Variants in ADGRV1 observed in about 807,000 individuals in gnomAD.
The protein encoded by ADGRV1 is adhesion G protein-coupled receptor V1, also known as G-protein coupled receptor 98.
A neutral mutation model predicts 596.2 loss-of-function variants in ADGRV1; 359 were observed. The observed-to-expected ratio is 0.60, with a 90% CI of 0.55 to 0.66. The LOEUF is 0.66. Among genes scored for constraint, ADGRV1 ranks in the 30% least tolerant of loss-of-function variants. The pLI is 0.00. For synonymous variants in ADGRV1, 2,681 were observed against 2,679.2 expected, an observed-to-expected ratio of 1.00 and a Z score of -0.02; for missense variants, 7,274 against 7,575.6, an observed-to-expected ratio of 0.96 and a Z score of 1.48.
chr5:90,628,231 A>C (rs892268556), intron 7 of ADGRV1, among the ~76,000 whole-genome samples: 1 of 142,286 alleles, frequency 7.0e-6, no homozygotes, highest in Admixed American at 6.8e-5. Flanking sequence ...AAAATAAAAT[A>C]AAATAAAATA....
chr5:90,645,872 A>C lies in ADGRV1; in HGVS notation c.2899-96A>C, dbSNP rs1021121816. The C allele has an allele frequency of 1.4e-5, 13 of 949,948 alleles. 1 individual carries two copies. In the African/African-American group the frequency reaches 1.7e-4, roughly 12 times the overall value. The allele number at this position is 949,948 out of a possible 1,614,324, so 58.8% of individuals were successfully genotyped here. On this transcript the variant is annotated intron_variant, in intron 15 of 89. Transcript: ENST00000405460. ...AAGGAAATGAATAATGGTAGTGTTA[A>C]TGGTGCTTTTTTAAAAAAACTGAAT...
intron 83 of ADGRV1, among the ~76,000 whole-genome samples, chr5:90,907,343 T>C (rs1005622114): frequency 3.9e-5 from 6 of 152,212 alleles, no homozygotes; most frequent in African/African-American, 1.4e-4. Context: ...TTTAAATTAA[T>C]AAATATTATT....
chr5:90,594,058 G>A (rs188969908), intron 1 of ADGRV1, among the ~76,000 whole-genome samples: 127 of 152,222 alleles, frequency 8.3e-4, no homozygotes, highest in African/African-American at 3.0e-3. Flanking sequence ...TGTGTAATAC[G>A]ATTTCTTCTT....
chr5:91,120,430 G>T (rs1018303307), intron 87 of ADGRV1, among the ~76,000 whole-genome samples: 1 of 152,174 alleles, frequency 6.6e-6, no homozygotes, highest in African/African-American at 2.4e-5. Flanking sequence ...CCAGTTTGTG[G>T]CCTCTGGCTT....
At position 90,681,012 on chromosome 5, in the gene ADGRV1, T is replaced by C. The variant is rs114425640; in HGVS notation, c.5525-303T>C. Among the ~76,000 whole-genome samples the C allele has an allele frequency of 7.2e-3, 1,096 of 152,322 alleles. 15 individuals are homozygous for C. Among genetic ancestry groups the C allele is most frequent in the African/African-American group, 0.025 (1,057 of 41,580 alleles). Reference sequence around the variant, plus strand: ...GAAAGGTCGTGGGAGACCTTCCTCATATACTCTGTGTGGAAGAATGTTCTC... The same window carrying C: ...GAAAGGTCGTGGGAGACCTTCCTCACATACTCTGTGTGGAAGAATGTTCTC... On this transcript the variant is annotated intron_variant, in intron 26 of 89. Transcript: ENST00000405460.
At chr5:90,611,949 A>T (rs1462361440) in intron 1 of ADGRV1, among the ~76,000 whole-genome samples, 1 of 151,988 alleles carries the variant, frequency 6.6e-6, no homozygotes, top group Non-Finnish European at 1.5e-5. Context: ...TTAATCTTTA[A>T]ATTCTATTGA....
intron 83 of ADGRV1, among the ~76,000 whole-genome samples, chr5:90,917,797 T>A (rs1773514493): frequency 6.6e-6 from 1 of 151,964 alleles, no homozygotes; most frequent in Non-Finnish European, 1.5e-5. Flanking sequence ...AGAATCTGAG[T>A]TTTTATTGTT....
At chr5:90,969,455 C>T (rs183062469) in intron 84 of ADGRV1, among the ~76,000 whole-genome samples, 3 of 152,326 alleles carry the variant, frequency 2.0e-5, no homozygotes, top group Admixed American at 6.5e-5. Flanking sequence ...CCTTAGCAAG[C>T]TGGAGAACCT....
intron 41 of ADGRV1, among the ~76,000 whole-genome samples, chr5:90,711,976 G>GT (rs1201591277): frequency 6.6e-6 from 1 of 151,984 alleles, no homozygotes; most frequent in Non-Finnish European, 1.5e-5. Flanking sequence ...TATTTTTAGT[G>GT]TATTTTACCA....
chr5:90,914,776 C>G (rs1436764102), intron 83 of ADGRV1, among the ~76,000 whole-genome samples: 2 of 152,164 alleles, frequency 1.3e-5, no homozygotes, highest in Admixed American at 1.3e-4. Flanking sequence ...TTAACAACAA[C>G]AGAAACAAAA....
rs993498251 is a variant in ADGRV1, at chr5:90,653,515, T to C, written c.3941T>C (p.Leu1314Ser). The change falls in exon 20 of 90, where the codon TTA becomes TCA. Residue 1314 changes from leucine (L) to serine (S), a missense_variant. By Grantham distance (145) the Leu-to-Ser change is moderately radical. Coordinates refer to ENST00000405460, the MANE Select transcript of ADGRV1 (RefSeq NM_032119.4). ...LVGIFPTTVH[L>S]QQHMRRHHSG... ...GGAATTTTCCCCACCACCGTGCATT[T>C]ACAACAGCACATGCGGCGTCACCAC... 1 of 1,613,814 alleles carries C rather than the reference T, an allele frequency of 6.2e-7. No individual in the cohort carries two copies. Among genetic ancestry groups the C allele is most frequent in the Non-Finnish European group, 8.5e-7 (1 of 1,179,894 alleles).
At chr5:90,961,491 A>G (rs1169819726) in intron 83 of ADGRV1, among the ~76,000 whole-genome samples, 1 of 108,160 alleles carries the variant, frequency 9.2e-6, no homozygotes, top group Non-Finnish European at 1.8e-5. Flanking sequence ...CCGTCTCAAA[A>G]AAAAAAAAAA....
intron 84 of ADGRV1, among the ~76,000 whole-genome samples, chr5:90,976,214 G>GTATATATATATATATATATATACACAA (rs199752660): frequency 2.1e-5 from 3 of 140,896 alleles, no homozygotes; most frequent in African/African-American, 8.6e-5. Flanking sequence ...GTGTGTGAGT[G>GTATATATATATATATATATATACACAA]TGTATATATA....
rs1762024673 is a variant in ADGRV1, at chr5:90,807,585, T to C, written c.14837-17T>C. 1.2e-6 allele frequency: 2 copies of C among 1,604,466 alleles called. No homozygotes were observed. The highest frequency in any genetic ancestry group is 1.7e-6 in the Non-Finnish European group (2 of 1,173,828). Reference sequence around the variant, plus strand: ...AAGAAATAATACCCTACTTTGCTTTTTCATGTTTTCTTTCAGGGAGCCTTT... The same window carrying C: ...AAGAAATAATACCCTACTTTGCTTTCTCATGTTTTCTTTCAGGGAGCCTTT... On this transcript the variant is annotated splice_polypyrimidine_tract_variant and intron_variant, in intron 72 of 89. Transcript: ENST00000405460.
intron 83 of ADGRV1, among the ~76,000 whole-genome samples, chr5:90,880,730 A>G (rs1038203445): frequency 2.6e-5 from 4 of 152,190 alleles, no homozygotes; most frequent in Non-Finnish European, 4.4e-5. Flanking sequence ...GAATTATTAT[A>G]CTAACGTGCA....
chr5:91,100,065 T>A (rs2973456), intron 86 of ADGRV1, among the ~76,000 whole-genome samples: 18,801 of 152,084 alleles, frequency 0.12, 1,325 homozygotes, highest in African/African-American at 0.2. Context: ...GATGAGGATA[T>A]AACCAAAGTC....
rs749442349 is a variant in ADGRV1, at chr5:90,711,000, A to C, written c.8844A>C (p.Ala2948=). 3.7e-6 allele frequency: 6 copies of C among 1,609,176 alleles called. No homozygotes were observed. The highest frequency in any genetic ancestry group is 1.7e-5 in the Admixed American group (1 of 59,886). ...TTTAAGATTCAGAAGGTTTGACTGC[A>C]CAAGTTATTATTGATGCCAATGATG... ...PPRLDSEGLT[A]QVIIDANDGA... Residue 2948 remains alanine (A), a synonymous_variant, in exon 40 of 90, where the codon GCA becomes GCC. Coordinates refer to ENST00000405460, the MANE Select transcript of ADGRV1 (RefSeq NM_032119.4).
At chr5:90,818,999 C>T (rs908585862) in intron 75 of ADGRV1, among the ~76,000 whole-genome samples, 2 of 152,004 alleles carry the variant, frequency 1.3e-5, no homozygotes, top group East Asian at 1.9e-4. Flanking sequence ...GGTACCAGTT[C>T]CTCCTTGTAC....
intron 85 of ADGRV1, among the ~76,000 whole-genome samples, chr5:91,004,466 A>G (rs1338874269): frequency 6.6e-6 from 1 of 151,992 alleles, no homozygotes; most frequent in Non-Finnish European, 1.5e-5. Flanking sequence ...TATCTTATTC[A>G]TCTGATTTTT....
Sources: allele counts gnomAD v4.1 joint callset (sites outside exome capture counted in the v4.1 genomes callset), GRCh38; gene constraint gnomAD v4.1.1; transcripts MANE v1.5; gene names NCBI Gene and HGNC (gene_info 2026-07-23, HGNC 2026-07-21).